NPFFR2: variants seen among roughly 807,000 people sequenced by gnomAD.
The protein encoded by NPFFR2 is neuropeptide FF receptor 2.
A neutral mutation model predicts 13.1 loss-of-function variants in NPFFR2; 15 were observed. The observed-to-expected ratio is 1.15, with a 90% CI of 0.77 to 1.76. The LOEUF is 1.76. NPFFR2 is among the 40% of genes most tolerant of loss of function. The pLI is 0.00. For synonymous variants in NPFFR2, 190 were observed against 175.7 expected (o/e 1.08, Z -0.65); for missense variants, 572 against 503.5 (o/e 1.14, Z -1.30).
chr4:72,054,756 C>G (rs571314843), intron 1 of NPFFR2, among the ~76,000 whole-genome samples: 1 of 151,670 alleles, frequency 6.6e-6, no homozygotes, highest in Admixed American at 6.6e-5. Flanking sequence ...GTACTTTATC[C>G]AGAAGATATA....
chr4:72,124,907 C>T (rs958980544), intron 1 of NPFFR2, among the ~76,000 whole-genome samples: 17 of 152,076 alleles, frequency 1.1e-4, no homozygotes, highest in African/African-American at 4.1e-4. Context: ...GCAATAAAAG[C>T]CAAAATTGAC....
intron 1 of NPFFR2, among the ~76,000 whole-genome samples, chr4:72,107,865 T>C (rs890182275): frequency 2.6e-5 from 4 of 152,056 alleles, no homozygotes; most frequent in African/African-American, 9.7e-5. Context: ...TAAAATATTA[T>C]TTATGTGTAT....
At position 72,128,912 on chromosome 4, in the gene NPFFR2, T is replaced by C; in HGVS notation, c.321T>C (p.Ile107=). The change falls in exon 2 of 4, where the codon ATT becomes ATC. Residue 107 remains isoleucine (I), a synonymous_variant. Coordinates refer to ENST00000308744, the MANE Select transcript of NPFFR2 (RefSeq NM_004885.3). The part of the protein sequence containing the change: ...FCMPITLLDN[I]IAGWPFGNTM... ...TGCCTATAACACTGCTGGACAATAT[T>C]ATAGCAGGTATGTTGGCTTTTGTGC... 1 of 1,601,828 alleles carries C rather than the reference T, an allele frequency of 6.2e-7. No homozygotes were observed. The highest frequency in any genetic ancestry group is 1.1e-5 in the South Asian group (1 of 90,148).
chr4:72,053,614 A>T (rs188782186), intron 1 of NPFFR2, among the ~76,000 whole-genome samples: 1 of 152,044 alleles, frequency 6.6e-6, no homozygotes, highest in Admixed American at 6.6e-5. Flanking sequence ...ATATAGAAAT[A>T]CAATTATTAT....
intron 1 of NPFFR2, among the ~76,000 whole-genome samples, chr4:72,124,897 G>T (rs1721991701): frequency 6.6e-6 from 1 of 152,088 alleles, no homozygotes; most frequent in African/African-American, 2.4e-5. Context: ...AAAAACAATG[G>T]CAATAAAAGC....
intron 1 of NPFFR2, among the ~76,000 whole-genome samples, chr4:72,057,204 CATT>C (rs760968525): frequency 1.3e-4 from 19 of 147,462 alleles, no homozygotes; most frequent in African/African-American, 4.7e-4. Flanking sequence ...TCATCATCAT[CATT>C]GACTCAGGTG....
At position 72,128,797 on chromosome 4, in the gene NPFFR2, T is replaced by C; in HGVS notation, c.206T>C (p.Ile69Thr). ...ATGGGAAATACTGTGGTTTGCTTTA[T>C]TGTAATGAGGAACAAACATATGCAC... Reference protein sequence around the residue: ...CMMGNTVVCFIVMRNKHMHTV... With the variant: ...CMMGNTVVCFTVMRNKHMHTV... The change falls in exon 2 of 4, where the codon ATT (isoleucine) becomes ACT (threonine). Residue 69 changes from isoleucine to threonine, a missense_variant. Transcript: ENST00000308744. 6.2e-7 allele frequency: 1 copy of C among 1,614,170 alleles called. No individual in the cohort carries two copies. Among genetic ancestry groups the C allele is most frequent in the Non-Finnish European group, 8.5e-7 (1 of 1,180,004 alleles).
intron 1 of NPFFR2, among the ~76,000 whole-genome samples, chr4:72,104,993 T>A: frequency 1.1e-5 from 1 of 88,410 alleles, no homozygotes; most frequent in Non-Finnish European, 2.8e-5. Flanking sequence ...CTATCAAATT[T>A]TAAAAATGTA....
rs1418722459 is a variant in NPFFR2 at position 72,032,021 on chromosome 4, C to A, written c.-187C>A. The A allele has an allele frequency of 5.6e-6, 9 of 1,613,592 alleles. No homozygotes were observed. The highest frequency in any genetic ancestry group is 7.6e-6 in the Non-Finnish European group (9 of 1,179,882). On this transcript the variant is annotated 5_prime_UTR_variant, in exon 1 of 4. Transcript: ENST00000308744. Reference sequence around the variant, plus strand: ...GAGCACTCAGCGTCCAGCAGCGCGGCGGGCCAGCCTGGAGCGGAAGCCTGG... The same window carrying A: ...GAGCACTCAGCGTCCAGCAGCGCGGAGGGCCAGCCTGGAGCGGAAGCCTGG...
At chr4:72,068,345 C>T (rs1460280883) in intron 1 of NPFFR2, among the ~76,000 whole-genome samples, 3 of 152,154 alleles carry the variant, frequency 2.0e-5, no homozygotes, top group Non-Finnish European at 4.4e-5. Flanking sequence ...CCTAAGATGG[C>T]AGAAGGCATA....
intron 1 of NPFFR2, among the ~76,000 whole-genome samples, chr4:72,067,525 T>C (rs1720109888): frequency 6.6e-6 from 1 of 152,176 alleles, no homozygotes; most frequent in Non-Finnish European, 1.5e-5. Flanking sequence ...CCGTTGGTTT[T>C]CTCTCCTAAA....
rs1379852734 is a variant in NPFFR2, at chr4:72,032,127, A to G, written c.-81A>G. ...TGCGAAAAGTAGCTGGAGCCGGAGCAGGGACAGAACCTGTTGCTGCAGACG... is the reference window on the plus strand; with the variant it reads ...TGCGAAAAGTAGCTGGAGCCGGAGCGGGGACAGAACCTGTTGCTGCAGACG... On this transcript the variant is annotated 5_prime_UTR_variant, in exon 1 of 4. Coordinates refer to ENST00000308744, the MANE Select transcript of NPFFR2 (RefSeq NM_004885.3). The G allele has an allele frequency of 2.5e-6, 4 of 1,614,016 alleles. No homozygotes were observed. The African/African-American group carries it at 5.3e-5, about 22-fold the overall frequency.
At chr4:72,137,321 G>T (rs1259920640) in intron 2 of NPFFR2, among the ~76,000 whole-genome samples, 1 of 152,152 alleles carries the variant, frequency 6.6e-6, no homozygotes, top group African/African-American at 2.4e-5. Context: ...GCTAGGAGAA[G>T]AATATTGTTC....
chr4:72,055,534 T>A (rs759901232), intron 1 of NPFFR2, among the ~76,000 whole-genome samples: 1 of 151,960 alleles, frequency 6.6e-6, no homozygotes, highest in African/African-American at 2.4e-5. Flanking sequence ...TTAGGCCAAT[T>A]AATAACCCTA....
At chr4:72,051,926 T>C (rs1410962255) in intron 1 of NPFFR2, among the ~76,000 whole-genome samples, 4 of 141,238 alleles carry the variant, frequency 2.8e-5, no homozygotes, top group African/African-American at 5.2e-5. Context: ...ACACATACAC[T>C]CTCCCAAGAC....
chr4:72,054,516 CTA>C (rs1719686052), intron 1 of NPFFR2, among the ~76,000 whole-genome samples: 2 of 151,812 alleles, frequency 1.3e-5, no homozygotes, highest in South Asian at 4.1e-4. Context: ...TAAGCTAAAA[CTA>C]TAAACCTTCT....
chr4:72,147,910 T>C lies in NPFFR2; in HGVS notation c.*98T>C. On this transcript the variant is annotated 3_prime_UTR_variant, in exon 4 of 4. Transcript: ENST00000308744. ...ACTTCAAATTTTTCAAAGAATGTTC[T>C]AAATAAAACATTTACTGAAAGCCCT... is the stretch of plus-strand genomic sequence containing the variant. 1.1e-6 allele frequency: 1 copy of C among 936,298 alleles called. No individual in the cohort carries two copies. The highest frequency in any genetic ancestry group is 1.5e-6 in the Non-Finnish European group (1 of 663,452). The allele number at this position is 936,298 out of a possible 1,614,324, so 58.0% of individuals were successfully genotyped here. A position where few individuals can be genotyped will look rare whatever the true frequency, so the allele number is the denominator to read the frequency against.
At chr4:72,074,901 C>G (rs1295070487) in intron 1 of NPFFR2, among the ~76,000 whole-genome samples, 1 of 26,752 alleles carries the variant, frequency 3.7e-5, no homozygotes, top group African/African-American at 6.4e-5. Flanking sequence ...TAGACTTTAA[C>G]TTTAAAAGAT....
At chr4:72,066,337 G>T (rs150490703) in intron 1 of NPFFR2, among the ~76,000 whole-genome samples, 5 of 152,158 alleles carry the variant, frequency 3.3e-5, no homozygotes, top group East Asian at 1.9e-4. Context: ...ATACCATCTC[G>T]TTGGTCATTA....
Sources: gnomAD v4.1 joint callset for allele counts (sites outside exome capture counted in the v4.1 genomes callset) on GRCh38, gnomAD v4.1.1 for gene constraint, MANE v1.5 for transcripts, NCBI Gene and HGNC (gene_info 2026-07-23, HGNC 2026-07-21) for gene names.